Variants in FGD4 observed in about 807,000 individuals in gnomAD.
FGD4 encodes FYVE, RhoGEF and PH domain containing 4.
Under a neutral mutation model 102.0 loss-of-function variants are expected in FGD4, and 42 were observed. That is an observed-to-expected ratio of 0.41 (90% confidence interval 0.32 to 0.53). FGD4 has a LOEUF of 0.53. FGD4 is among the 20% of genes least tolerant of loss of function. The probability of loss-of-function intolerance (pLI) is 0.21; values close to 1 mark genes in which losing one functional copy is unlikely to be tolerated. For synonymous variants in FGD4, 380 were observed against 375.7 expected (o/e 1.01, Z -0.13); for missense variants, 902 against 1,078.2 (o/e 0.84, Z 2.29).
chr12:32,630,905 G>A (rs1460492390), intron 14 of FGD4, among the ~76,000 whole-genome samples: 3 of 151,236 alleles, frequency 2.0e-5, no homozygotes, highest in Non-Finnish European at 2.9e-5. Flanking sequence ...TTGAGCTCAG[G>A]AGGTCAAGGC....
chr12:32,617,864 A>G lies in FGD4; in HGVS notation c.1750-1834A>G, dbSNP rs561251011. On this transcript the variant is annotated intron_variant, in intron 10 of 16. Transcript: ENST00000534526. ...ATCTTCTTTGTAAGCAATGTTTTCT[A>G]TCGTGCGGGAGCTCCCACCTTCACC... 1.6e-4 allele frequency among the ~76,000 whole-genome samples: 24 copies of G among 152,326 alleles called. No homozygotes were observed. The South Asian group carries it at 2.9e-3, about 18-fold the overall frequency.
chr12:32,487,502 C>T (rs112721446), intron 1 of FGD4, among the ~76,000 whole-genome samples: 14 of 151,314 alleles, frequency 9.3e-5, no homozygotes, highest in East Asian at 3.9e-4. Context: ...GGTGTGATCT[C>T]GGCTCACTGC....
intron 2 of FGD4, among the ~76,000 whole-genome samples, chr12:32,569,879 A>G (rs957482411): frequency 6.6e-6 from 1 of 152,178 alleles, no homozygotes; most frequent in Non-Finnish European, 1.5e-5. Flanking sequence ...TTATAAATTT[A>G]TACTGTCATC....
At chr12:32,605,800 T>A (rs553396658) in intron 7 of FGD4, among the ~76,000 whole-genome samples, 1 of 152,368 alleles carries the variant, frequency 6.6e-6, no homozygotes, top group East Asian at 1.9e-4. Context: ...CTTCATTCTC[T>A]GTATGTGTTC....
chr12:32,563,548 C>T (rs1220295734), intron 1 of FGD4, among the ~76,000 whole-genome samples: 5 of 151,300 alleles, frequency 3.3e-5, no homozygotes, highest in Non-Finnish European at 7.4e-5. Context: ...CTCCTCACGT[C>T]CCAGACGATG....
Position 32,619,715 on chromosome 12 carries a change from G to A in FGD4, c.1767G>A (p.Leu589=), listed in dbSNP as rs1949684284. The A allele has an allele frequency of 6.2e-7, 1 of 1,614,024 alleles. No homozygotes were observed. Among genetic ancestry groups the A allele is most frequent in the Non-Finnish European group, 8.5e-7 (1 of 1,180,042 alleles). The change falls in exon 11 of 17, where the codon CTG becomes CTA. Residue 589 remains leucine (L), a synonymous_variant. Coordinates refer to ENST00000534526, the MANE Select transcript of FGD4 (RefSeq NM_001370298.3). ...CCTTGCAGTTCAACAACATGTTGCT[G>A]TACTGTGTGCCCAAATTCAGCTTGG... The part of the protein sequence containing the change: ...RYLFLFNNML[L]YCVPKFSLVG...
At chr12:32,469,809 G>A (rs1246399646) in intron 1 of FGD4, among the ~76,000 whole-genome samples, 4 of 151,736 alleles carry the variant, frequency 2.6e-5, no homozygotes, top group East Asian at 1.9e-4. Context: ...ACAGGCATGC[G>A]GCACCATGCC....
chr12:32,495,409 T>C (rs1937734507), intron 1 of FGD4, among the ~76,000 whole-genome samples: 1 of 152,028 alleles, frequency 6.6e-6, no homozygotes, highest in Admixed American at 6.6e-5. Flanking sequence ...GCAGATTGCT[T>C]TTCAGGGCTG....
At chr12:32,567,419 C>T (rs1281282080) in intron 2 of FGD4, among the ~76,000 whole-genome samples, 3 of 152,038 alleles carry the variant, frequency 2.0e-5, no homozygotes, top group Non-Finnish European at 2.9e-5. Context: ...ATATCCTCCC[C>T]CGACAATAGG....
chr12:32,631,170 T>C (rs943387607), intron 14 of FGD4, among the ~76,000 whole-genome samples: 1 of 152,302 alleles, frequency 6.6e-6, no homozygotes, highest in African/African-American at 2.4e-5. Context: ...ATGCTACATA[T>C]AAACATAGTT....
chr12:32,566,021 A>T (rs1437398405), intron 2 of FGD4, among the ~76,000 whole-genome samples: 1 of 152,162 alleles, frequency 6.6e-6, no homozygotes, highest in African/African-American at 2.4e-5. Context: ...GTAACAAAAT[A>T]CCATAAATTG....
Position 32,640,313 on chromosome 12 carries a change from A to C in FGD4, c.2492A>C (p.Tyr831Ser). 1 of 1,614,190 alleles carries C rather than the reference A, an allele frequency of 6.2e-7. No homozygotes were observed. Among genetic ancestry groups the C allele is most frequent in the Non-Finnish European group, 8.5e-7 (1 of 1,180,032 alleles). ...RAQATIPLLG[Y>S]VVDEMPRSAD... is the part of the protein sequence containing the mutation. ...CAGGCCACCATTCCACTTCTGGGCTATGTGGTGGATGAAATGCCAAGGAGC... is the reference window on the plus strand; with the variant it reads ...CAGGCCACCATTCCACTTCTGGGCTCTGTGGTGGATGAAATGCCAAGGAGC... Residue 831 changes from tyrosine to serine, a missense_variant, in exon 17 of 17, where the codon TAT becomes TCT. By Grantham distance (144) the Tyr-to-Ser change is moderately radical. Coordinates refer to ENST00000534526, the MANE Select transcript of FGD4 (RefSeq NM_001370298.3).
chr12:32,551,883 C>A (rs1446029697), intron 1 of FGD4, among the ~76,000 whole-genome samples: 1 of 152,136 alleles, frequency 6.6e-6, no homozygotes, highest in Non-Finnish European at 1.5e-5. Context: ...TTTAAAAATT[C>A]GGCATTTATC....
intron 1 of FGD4, among the ~76,000 whole-genome samples, chr12:32,500,304 T>C (rs1938098333): frequency 1.3e-5 from 2 of 152,202 alleles, no homozygotes; most frequent in South Asian, 4.1e-4. Flanking sequence ...TTATAGTGTC[T>C]AGCACATACT....
chr12:32,538,819 C>T lies in FGD4; in HGVS notation c.167-25318C>T, dbSNP rs532214123. Reference sequence around the variant, plus strand: ...CTGTAATCCCAGCACTTTGGGAGGCCAAGGAGGGAAGATCATGAGGTCAGA... The same window carrying T: ...CTGTAATCCCAGCACTTTGGGAGGCTAAGGAGGGAAGATCATGAGGTCAGA... On this transcript the variant is annotated intron_variant, in intron 1 of 16. Coordinates refer to ENST00000534526, the MANE Select transcript of FGD4 (RefSeq NM_001370298.3). Among the ~76,000 whole-genome samples, 8 of 151,774 alleles carry T rather than the reference C, an allele frequency of 5.3e-5. No homozygotes were observed. The South Asian group carries it at 8.3e-4, about 16-fold the overall frequency.
intron 1 of FGD4, among the ~76,000 whole-genome samples, chr12:32,479,611 A>G (rs946142621): frequency 4.7e-5 from 7 of 149,372 alleles, no homozygotes; most frequent in African/African-American, 1.5e-4. Flanking sequence ...CAGACCTCTC[A>G]CTGCTAGGCT....
intron 1 of FGD4, among the ~76,000 whole-genome samples, chr12:32,470,052 CTT>C (rs1943375429): frequency 6.6e-6 from 1 of 152,106 alleles, no homozygotes; most frequent in Non-Finnish European, 1.5e-5. Context: ...AGCAGATACA[CTT>C]GTCATTGAAC....
At chr12:32,404,679 T>C (rs1940846775) in intron 1 of FGD4, among the ~76,000 whole-genome samples, 2 of 152,148 alleles carry the variant, frequency 1.3e-5, no homozygotes. Flanking sequence ...TCATTTGCAT[T>C]CATATGTTAG....
intron 5 of FGD4, chr12:32,600,262 C>A: frequency 4.6e-6 from 1 of 217,718 alleles, no homozygotes; most frequent in South Asian, 5.6e-5. Flanking sequence ...TATTTCTTTT[C>A]TCTTATCAAG....
Sources: gnomAD v4.1 joint callset for allele counts (sites outside exome capture counted in the v4.1 genomes callset) on GRCh38, gnomAD v4.1.1 for gene constraint, MANE v1.5 for transcripts, NCBI Gene and HGNC (gene_info 2026-07-23, HGNC 2026-07-21) for gene names.